DENND3: variants seen among roughly 807,000 people sequenced by gnomAD.
DENND3 encodes DENN domain-containing protein 3.
In DENND3, 88 loss-of-function variants were observed where a neutral mutation model predicts 135.1. That is an observed-to-expected ratio of 0.65 (90% CI 0.55 to 0.78). The LOEUF is 0.78. DENND3 is among the 30% of genes least tolerant of loss of function. The pLI is 0.00. For synonymous variants in DENND3, 693 were observed against 712.3 expected (o/e 0.97, Z 0.43); for missense variants, 1,392 against 1,688.4 (o/e 0.82, Z 3.08).
At chr8:141,134,284 T>C (rs1816499947) in intron 1 of DENND3, among the ~76,000 whole-genome samples, 1 of 150,836 alleles carries the variant, frequency 6.6e-6, no homozygotes, top group African/African-American at 2.4e-5. Context: ...CCCATATTTT[T>C]TATTTTTTAT....
At chr8:141,184,532 A>T (rs879570716) in intron 17 of DENND3, 1 of 152,306 alleles carries the variant, frequency 6.6e-6, no homozygotes, top group Non-Finnish European at 1.5e-5. Context: ...GGAGAACGAA[A>T]AACAGACACT....
At chr8:141,171,298 A>G (rs1821524816) in intron 13 of DENND3, among the ~76,000 whole-genome samples, 1 of 152,258 alleles carries the variant, frequency 6.6e-6, no homozygotes, top group Admixed American at 6.5e-5. Context: ...ATTGAAAAAT[A>G]TATTGCAATT....
chr8:141,161,342 T>C (rs1215576719), intron 9 of DENND3, among the ~76,000 whole-genome samples: 4 of 152,230 alleles, frequency 2.6e-5, no homozygotes, highest in Non-Finnish European at 5.9e-5. Context: ...GCACTCAAGA[T>C]GTGCCTGTTA....
chr8:141,186,587 A>G (rs778021926), intron 18 of DENND3, among the ~76,000 whole-genome samples: 2 of 152,232 alleles, frequency 1.3e-5, no homozygotes, highest in Non-Finnish European at 2.9e-5. Flanking sequence ...GTGTGGCCCA[A>G]GACAATTCTT....
chr8:141,183,419 A>ATTTTTTTTTTTTTT (rs1224506549), intron 17 of DENND3, among the ~76,000 whole-genome samples: 4 of 121,638 alleles, frequency 3.3e-5, no homozygotes, highest in Non-Finnish European at 7.2e-5. Context: ...CAATTTTTGT[A>ATTTTTTTTTTTTTT]TTTTTTTTTT....
At chr8:141,180,653 G>A in intron 16 of DENND3, 94 bp from the exon 17 acceptor site, 3 of 1,182,616 alleles carry the variant, frequency 2.5e-6, no homozygotes, top group Non-Finnish European at 3.6e-6. Flanking sequence ...CCTGCAAGCT[G>A]ATATTCTGCA....
rs201664061 is a variant in DENND3 at position 141,141,340 on chromosome 8, G to A, written c.623+16G>A. ...GCCTTTCCTGGTGAGCTGGGGCACC[G>A]GGGGCCAGGGGTGGTAGGGGGCAGC... is the stretch of plus-strand genomic sequence containing the variant. On this transcript the variant is annotated intron_variant, in intron 4 of 22. Coordinates refer to ENST00000519811, the MANE Select transcript of DENND3 (RefSeq NM_001352890.3). The surrounding 1 kb of genome is among the most constrained non-coding windows in gnomAD (Gnocchi z 5.3). 3.7e-4 allele frequency: 601 copies of A among 1,611,572 alleles called. 1 individual carries two copies. The highest frequency in any genetic ancestry group is 2.3e-3 in the African/African-American group (169 of 74,902).
Position 141,180,666 on chromosome 8 carries a change from A to C in DENND3, c.2837-81A>C, listed in dbSNP as rs79516728. The C allele has an allele frequency of 8.4e-3, 10,844 of 1,283,604 alleles. 729 individuals carry two copies. The African/African-American group carries it at 0.14, about 16-fold the overall frequency. The allele number at this position is 1,283,604 out of a possible 1,614,324, so 79.5% of individuals were successfully genotyped here. A position where few individuals can be genotyped will look rare whatever the true frequency, so the allele number is the denominator to read the frequency against. ...TACCTGCAAGCTGATATTCTGCAGAAATCAGAGTGCGTGAGGCCGTTGCAT... is the reference window on the plus strand; with the variant it reads ...TACCTGCAAGCTGATATTCTGCAGACATCAGAGTGCGTGAGGCCGTTGCAT... On this transcript the variant is annotated intron_variant, in intron 16 of 22. Transcript: ENST00000519811.
rs922718716 is a variant in DENND3, at chr8:141,173,473, C to G, written c.2276-1727C>G. ...TGCAGGGCCGGCAGTGCCTGTGACTCGGAAGTGAGATGTAAGAGATGAGGA... is the reference window on the plus strand; with the variant it reads ...TGCAGGGCCGGCAGTGCCTGTGACTGGGAAGTGAGATGTAAGAGATGAGGA... On this transcript the variant is annotated intron_variant, in intron 13 of 22. Coordinates refer to ENST00000519811, the MANE Select transcript of DENND3 (RefSeq NM_001352890.3). The G allele has an allele frequency of 2.0e-5, 3 of 152,314 alleles. No homozygotes were observed. The South Asian group carries it at 6.2e-4, about 32-fold the overall frequency. The allele number at this position is 152,314 out of a possible 1,614,324, so 9.4% of individuals were successfully genotyped here.
intron 5 of DENND3, among the ~76,000 whole-genome samples, chr8:141,145,744 G>T (rs1440787111): frequency 1.4e-5 from 2 of 142,930 alleles, no homozygotes; most frequent in African/African-American, 5.1e-5. Flanking sequence ...TTTTATAGAA[G>T]AATTTATTCA....
Position 141,128,634 on chromosome 8 carries a change from G to A in DENND3, c.-74G>A, listed in dbSNP as rs1815452943. 1.0e-6 allele frequency: 1 copy of A among 963,924 alleles called. No homozygotes were observed. The highest frequency in any genetic ancestry group is 1.3e-6 in the Non-Finnish European group (1 of 758,444). 59.7% of individuals were successfully genotyped at this position (963,924 alleles called of 1,614,324 possible). A position where few individuals can be genotyped will look rare whatever the true frequency, so the allele number is the denominator to read the frequency against. ...CCCCGGCCCCCAGGCGGCGCGGCTG[G>A]TCCCCAGGGGTCTGCGGGCGACTGC... is the stretch of plus-strand genomic sequence containing the variant. On this transcript the variant is annotated 5_prime_UTR_variant, in exon 1 of 23. Transcript: ENST00000519811. This position sits in a 1 kb window ranked among gnomAD's most constrained non-coding sequence, Gnocchi z 4.5.
Position 141,141,630 on chromosome 8 carries a change from G to A in DENND3, c.623+306G>A. On this transcript the variant is annotated intron_variant, in intron 4 of 22. Coordinates refer to ENST00000519811, the MANE Select transcript of DENND3 (RefSeq NM_001352890.3). The surrounding 1 kb of genome is among the most constrained non-coding windows in gnomAD (Gnocchi z 5.3). ...CCACACTGTCGGAAGTAAGGTTGATGTTCAGGATTTTCATTTTGTTTAGTT... is the reference window on the plus strand; with the variant it reads ...CCACACTGTCGGAAGTAAGGTTGATATTCAGGATTTTCATTTTGTTTAGTT... 2 of 331,564 alleles carry A rather than the reference G, an allele frequency of 6.0e-6. No homozygotes were observed. The highest frequency in any genetic ancestry group is 1.1e-5 in the Non-Finnish European group (2 of 177,402). 20.5% of individuals were successfully genotyped at this position (331,564 alleles called of 1,614,324 possible).
rs750743780 is a variant in DENND3 at position 141,178,099 on chromosome 8, C to T, written c.2739C>T (p.Asn913=). ...ACTACGTCCAGCAGGCGCTGACCAACGTCTTGCTGATGGACGCCGTCGTGG... is the reference window on the plus strand; with the variant it reads ...ACTACGTCCAGCAGGCGCTGACCAATGTCTTGCTGATGGACGCCGTCGTGG... ...DPHYVQQALT[N]VLLMDAVVGT... is the part of the protein sequence containing the mutation. The change falls in exon 16 of 23, where the codon AAC becomes AAT. Residue 913 remains asparagine (N), a synonymous_variant. Coordinates refer to ENST00000519811, the MANE Select transcript of DENND3 (RefSeq NM_001352890.3). 9 of 1,611,806 alleles carry T rather than the reference C, an allele frequency of 5.6e-6. No individual in the cohort carries two copies. Among genetic ancestry groups the T allele is most frequent in the South Asian group, 2.2e-5 (2 of 91,026 alleles).
chr8:141,163,198 A>G, intron 9 of DENND3, 135 bp from the exon 10 acceptor site: 1 of 540,216 alleles, frequency 1.9e-6, no homozygotes, highest in Non-Finnish European at 3.3e-6. Flanking sequence ...CATTTTGGTA[A>G]TCAAGAATCT....
Position 141,167,988 on chromosome 8 carries a change from C to A in DENND3, c.1754-16C>A. The A allele has an allele frequency of 6.3e-7, 1 of 1,594,712 alleles. No homozygotes were observed. Reference sequence around the variant, plus strand: ...GGTCTGTGCTAATGGTCTCCTTTTCCCCCTGAATGTTTTAGTTCTGAATGT... The same window carrying A: ...GGTCTGTGCTAATGGTCTCCTTTTCACCCTGAATGTTTTAGTTCTGAATGT... On this transcript the variant is annotated splice_polypyrimidine_tract_variant and intron_variant, in intron 12 of 22. Transcript: ENST00000519811. This position sits in a 1 kb window ranked among gnomAD's most constrained non-coding sequence, Gnocchi z 4.1.
At chr8:141,188,150 G>A (rs1569557018) in intron 18 of DENND3, among the ~76,000 whole-genome samples, 3 of 152,324 alleles carry the variant, frequency 2.0e-5, no homozygotes, top group South Asian at 2.1e-4. Context: ...CGCTTGAGCC[G>A]GGAGGCTGAG....
At chr8:141,129,434 T>C (rs1205273734) in intron 1 of DENND3, among the ~76,000 whole-genome samples, 3 of 145,754 alleles carry the variant, frequency 2.1e-5, no homozygotes, top group African/African-American at 7.5e-5. Flanking sequence ...CCCCCAACCC[T>C]TCCTCCATCT....
rs1817427395 is a variant in DENND3 at position 141,141,344 on chromosome 8, G to A, written c.623+20G>A. The stretch of plus-strand genomic sequence containing the variant: ...TTCCTGGTGAGCTGGGGCACCGGGG[G>A]CCAGGGGTGGTAGGGGGCAGCTCTT... On this transcript the variant is annotated intron_variant, in intron 4 of 22. Coordinates refer to ENST00000519811, the MANE Select transcript of DENND3 (RefSeq NM_001352890.3). This position sits in a 1 kb window ranked among gnomAD's most constrained non-coding sequence, Gnocchi z 5.3. 1 of 1,612,084 alleles carries A rather than the reference G, an allele frequency of 6.2e-7. No homozygotes were observed. The highest frequency in any genetic ancestry group is 8.5e-7 in the Non-Finnish European group (1 of 1,179,808).
rs186581948 is a variant in DENND3, at chr8:141,152,527, G to C, written c.1074+690G>C. On this transcript the variant is annotated intron_variant, in intron 7 of 22. Coordinates refer to ENST00000519811, the MANE Select transcript of DENND3 (RefSeq NM_001352890.3). The stretch of plus-strand genomic sequence containing the variant: ...TCCTTCCACTTCACGTCATGGCTTT[G>C]AGACTCCTCCACGTGGTAGCATCTC... Among the ~76,000 whole-genome samples the C allele has an allele frequency of 2.6e-3, 394 of 152,294 alleles. 1 individual carries two copies. Among genetic ancestry groups the C allele is most frequent in the African/African-American group, 9.2e-3 (382 of 41,552 alleles).
Sources: gnomAD v4.1 joint callset for allele counts (sites outside exome capture counted in the v4.1 genomes callset) on GRCh38, gnomAD v4.1.1 for gene constraint, Gnocchi (gnomAD v3.1) non-coding constraint, MANE v1.5 for transcripts, NCBI Gene and HGNC (gene_info 2026-07-23, HGNC 2026-07-21) for gene names.